The following TJP2 variants were observed in gnomAD, a reference collection of about 807,000 sequenced individuals.
TJP2 encodes the protein tight junction protein 2.
TJP2 carries 91 observed loss-of-function variants against 133.1 expected under a neutral mutation model. The ratio of observed to expected loss-of-function variants is 0.68; its 90% confidence interval spans 0.58 to 0.81. The LOEUF is 0.81. TJP2 is among the 40% of genes least tolerant of loss of function. TJP2 has a pLI of 0.00. For missense variants in TJP2, 1,541 were observed against 1,565.6 expected (o/e 0.98, Z 0.26); for synonymous variants, 592 against 583.4 (o/e 1.01, Z -0.21).
chr9:69,132,464 G>A (rs928987179), intron 1 of TJP2, among the ~76,000 whole-genome samples: 8 of 152,160 alleles, frequency 5.3e-5, no homozygotes, highest in East Asian at 3.9e-4. Context: ...ATGCAGCCTC[G>A]GGGCCTGGTG....
At chr9:69,249,288 A>G in intron 19 of TJP2, 87 bp from the exon 20 acceptor site, 1 of 1,544,724 alleles carries the variant, frequency 6.5e-7, no homozygotes, top group Non-Finnish European at 8.8e-7. Context: ...GACTTACTCA[A>G]GTTTGCAGAA....
At chr9:69,204,733 T>G in intron 1 of TJP2, 1 of 744,664 alleles carries the variant, frequency 1.3e-6, no homozygotes, top group Non-Finnish European at 1.6e-6. Context: ...TATTTCTAGC[T>G]GGCGTGTGTG....
At chr9:69,180,226 T>A (rs1054089051) in intron 1 of TJP2, among the ~76,000 whole-genome samples, 4 of 152,164 alleles carry the variant, frequency 2.6e-5, no homozygotes, top group African/African-American at 9.7e-5. Flanking sequence ...TAGGTAACAG[T>A]TATGGCTGTA....
intron 1 of TJP2, among the ~76,000 whole-genome samples, chr9:69,135,984 G>A (rs776691842): frequency 6.6e-6 from 1 of 152,168 alleles, no homozygotes; most frequent in African/African-American, 2.4e-5. Flanking sequence ...CGTCAGTCAA[G>A]TGCTAGTTCC....
At chr9:69,130,015 C>CAAAAAAAA (rs11355311) in intron 1 of TJP2, among the ~76,000 whole-genome samples, 15 of 94,152 alleles carry the variant, frequency 1.6e-4, no homozygotes, top group East Asian at 5.5e-4. Flanking sequence ...AACTCTGCCT[C>CAAAAAAAA]AAAAAAAAAA....
At chr9:69,234,398 C>CTTTCTTTCT (rs1480633829) in intron 11 of TJP2, 41 bp from the exon 12 acceptor site, 398 of 981,254 alleles carry the variant, frequency 4.1e-4, no homozygotes, top group Middle Eastern at 1.4e-3. Flanking sequence ...TTCTTTCTTT[C>CTTTCTTTCT]TTTTTTTTTT....
intron 1 of TJP2, among the ~76,000 whole-genome samples, chr9:69,178,966 T>C (rs1825290027): frequency 1.5e-5 from 1 of 65,860 alleles, no homozygotes; most frequent in South Asian, 6.9e-4. Context: ...TGGATGAGTT[T>C]TTTTTTCTTA....
intron 1 of TJP2, chr9:69,205,267 C>T (rs1332411807): frequency 6.5e-7 from 1 of 1,537,178 alleles, no homozygotes; most frequent in Non-Finnish European, 8.7e-7. Flanking sequence ...CCTTGTTTTC[C>T]CCAACCTTTC....
chr9:69,206,623 G>A (rs1256892822), intron 1 of TJP2, among the ~76,000 whole-genome samples: 1 of 151,070 alleles, frequency 6.6e-6, no homozygotes, highest in Admixed American at 6.6e-5. Context: ...TGTTGCCCAG[G>A]CTGGAGTGCA....
chr9:69,230,069 G>A lies in TJP2; in HGVS notation c.1521-13G>A. On this transcript the variant is annotated splice_polypyrimidine_tract_variant and intron_variant, in intron 10 of 22. Coordinates refer to ENST00000377245, the MANE Select transcript of TJP2 (RefSeq NM_004817.4). ...TCTCCCATCTTTCCTTTCTGAAACG[G>A]AACCTATTGCAGCCCTAATACCAAA... The A allele has an allele frequency of 6.2e-7, 1 of 1,614,022 alleles. No homozygotes were observed.
At chr9:69,173,425 A>G (rs187074344), upstream of TJP2, among the ~76,000 whole-genome samples, 154 of 152,354 alleles carry the variant, frequency 1.0e-3, 1 homozygote, top group Non-Finnish European at 1.9e-3. Flanking sequence ...ACTGAATTGC[A>G]TTAGATGAAT....
intron 1 of TJP2, among the ~76,000 whole-genome samples, chr9:69,186,314 T>G (rs764139574): frequency 2.6e-5 from 4 of 152,206 alleles, no homozygotes; most frequent in Non-Finnish European, 5.9e-5. Context: ...TTAGGCATAC[T>G]TCTGTAGTAC....
At chr9:69,159,298 G>C (rs1823938562) in intron 2 of TJP2, among the ~76,000 whole-genome samples, 2 of 152,058 alleles carry the variant, frequency 1.3e-5, no homozygotes, top group African/African-American at 4.8e-5. Flanking sequence ...TCCAGTCTGG[G>C]TGACAAAGTG....
chr9:69,195,582 G>A (rs955835359), intron 1 of TJP2, among the ~76,000 whole-genome samples: 4 of 152,232 alleles, frequency 2.6e-5, no homozygotes, highest in African/African-American at 9.6e-5. Flanking sequence ...TAGGGTTAGG[G>A]TATAGGGTTT....
intron 1 of TJP2, among the ~76,000 whole-genome samples, chr9:69,132,025 G>A (rs183446589): frequency 1.3e-5 from 2 of 152,342 alleles, no homozygotes; most frequent in Non-Finnish European, 1.5e-5. Context: ...GCAGGCACAA[G>A]CTTCCAAGGC....
intron 5 of TJP2, among the ~76,000 whole-genome samples, chr9:69,222,740 A>C (rs1828983477): frequency 6.6e-6 from 1 of 151,892 alleles, no homozygotes; most frequent in Non-Finnish European, 1.5e-5. Context: ...AGAAATGCAG[A>C]CTCTCAGGCC....
Position 69,225,421 on chromosome 9 carries a change from G to A in TJP2, c.1056+14G>A, listed in dbSNP as rs1170425023. ...ATAATTCTCAAGGTGGGTAGATGGG[G>A]GCAGAGAACGGTAGTGTGCATACTG... On this transcript the variant is annotated intron_variant, in intron 6 of 22. Transcript: ENST00000377245. 4 of 1,558,026 alleles carry A rather than the reference G, an allele frequency of 2.6e-6. No homozygotes were observed. Among genetic ancestry groups the A allele is most frequent in the East Asian group, 2.2e-5 (1 of 44,568 alleles).
At chr9:69,230,289 G>A (rs1269586804) in intron 11 of TJP2, 57 bp downstream of exon 11, 3 of 1,609,322 alleles carry the variant, frequency 1.9e-6, no homozygotes, top group South Asian at 2.2e-5. Flanking sequence ...CACTTTTCTG[G>A]GTGTTCTTTC....
intron 1 of TJP2, among the ~76,000 whole-genome samples, chr9:69,138,274 TCTG>T (rs1169852532): frequency 6.6e-6 from 1 of 152,176 alleles, no homozygotes; most frequent in Non-Finnish European, 1.5e-5. Flanking sequence ...GGATTTGGCT[TCTG>T]CTGCCAGAGC....
Sources: allele counts gnomAD v4.1 joint callset (sites outside exome capture counted in the v4.1 genomes callset), GRCh38; gene constraint gnomAD v4.1.1; transcripts MANE v1.5; gene names NCBI Gene and HGNC (gene_info 2026-07-23, HGNC 2026-07-21).